RAD51B: variants seen among roughly 807,000 people sequenced by gnomAD.
RAD51B encodes the protein DNA repair protein RAD51 homolog 2.
RAD51B carries 38 observed loss-of-function variants against 42.2 expected under a neutral mutation model. The ratio of observed to expected loss-of-function variants is 0.90; its 90% CI spans 0.70 to 1.18. The LOEUF is 1.18. Ranked by LOEUF, RAD51B falls within the 50% of genes most tolerant of loss-of-function variation. The pLI is 0.00. For synonymous variants in RAD51B, 154 were observed against 145.2 expected, an observed-to-expected ratio of 1.06 and a Z score of -0.43; for missense variants, 373 against 400.7, an observed-to-expected ratio of 0.93 and a Z score of 0.59.
chr14:67,833,665 G>A (rs1302526239), intron 3 of RAD51B, among the ~76,000 whole-genome samples: 1 of 152,154 alleles, frequency 6.6e-6, no homozygotes, highest in Admixed American at 6.5e-5. Flanking sequence ...ACTCAGACCT[G>A]TGTGCAATTT....
At chr14:68,353,361 T>C (rs905998541) in intron 8 of RAD51B, among the ~76,000 whole-genome samples, 1 of 152,228 alleles carries the variant, frequency 6.6e-6, no homozygotes, top group Non-Finnish European at 1.5e-5. Context: ...AGCGAGAGGA[T>C]ATGAGCCACA....
intron 7 of RAD51B, among the ~76,000 whole-genome samples, chr14:68,061,200 C>G (rs1333218496): frequency 3.3e-5 from 5 of 151,814 alleles, no homozygotes; most frequent in Non-Finnish European, 5.9e-5. Flanking sequence ...TCACCAGTAG[C>G]TGGGATTACA....
At chr14:68,614,113 C>G (rs1026060270), downstream of RAD51B, among the ~76,000 whole-genome samples, 2 of 152,120 alleles carry the variant, frequency 1.3e-5, no homozygotes, top group African/African-American at 4.8e-5. Context: ...TACTAAAATA[C>G]AAAATTCAAC....
chr14:68,489,889 A>G (rs1281213822), intron 10 of RAD51B, among the ~76,000 whole-genome samples: 4 of 152,200 alleles, frequency 2.6e-5, no homozygotes, highest in Non-Finnish European at 5.9e-5. Flanking sequence ...AAATGCCCTT[A>G]TCTAGATTTC....
intron 10 of RAD51B, among the ~76,000 whole-genome samples, chr14:68,544,985 G>A (rs762616203): frequency 6.6e-6 from 1 of 152,200 alleles, no homozygotes; most frequent in Non-Finnish European, 1.5e-5. Flanking sequence ...GGATGTGGGA[G>A]CAGCAAAGGA....
chr14:67,858,497 A>G (rs2042066450), intron 4 of RAD51B, among the ~76,000 whole-genome samples: 1 of 152,162 alleles, frequency 6.6e-6, no homozygotes, highest in African/African-American at 2.4e-5. Flanking sequence ...CTTTATAGGT[A>G]CAGAATGGGG....
intron 10 of RAD51B, among the ~76,000 whole-genome samples, chr14:68,590,506 C>G (rs1223081582): frequency 6.6e-6 from 1 of 152,222 alleles, no homozygotes; most frequent in African/African-American, 2.4e-5. Flanking sequence ...CAAAGGAAAC[C>G]TGGCGATGTC....
At chr14:68,304,128 C>T (rs1013264282) in intron 8 of RAD51B, among the ~76,000 whole-genome samples, 6 of 151,624 alleles carry the variant, frequency 4.0e-5, no homozygotes, top group Non-Finnish European at 8.8e-5. Flanking sequence ...AGAGATGGCG[C>T]CACTGCACTC....
intron 10 of RAD51B, among the ~76,000 whole-genome samples, chr14:68,618,645 T>A (rs1891875679): frequency 6.6e-6 from 1 of 152,238 alleles, no homozygotes; most frequent in African/African-American, 2.4e-5. Flanking sequence ...GGGTTGTTGA[T>A]GCTGCCTCTA....
chr14:68,337,201 A>G (rs1204171508), intron 8 of RAD51B, among the ~76,000 whole-genome samples: 1 of 152,132 alleles, frequency 6.6e-6, no homozygotes, highest in African/African-American at 2.4e-5. Context: ...ACACACCCAC[A>G]TCTTATTTTT....
chr14:68,086,229 A>G (rs1179029941), intron 7 of RAD51B, among the ~76,000 whole-genome samples: 2 of 152,178 alleles, frequency 1.3e-5, no homozygotes, highest in Admixed American at 1.3e-4. Flanking sequence ...GGGCTCTCCA[A>G]CGACTGCCCC....
At chr14:68,295,049 G>GGCAGGCTGCAAATTGACAA (rs2081587633) in intron 8 of RAD51B, among the ~76,000 whole-genome samples, 1 of 152,190 alleles carries the variant, frequency 6.6e-6, no homozygotes, top group Non-Finnish European at 1.5e-5. Flanking sequence ...GTTTGTGAAA[G>GGCAGGCTGCAAATTGACAA]GCAGGCTGCA....
At chr14:67,939,129 A>G (rs2045065654) in intron 7 of RAD51B, among the ~76,000 whole-genome samples, 1 of 152,176 alleles carries the variant, frequency 6.6e-6, no homozygotes, top group African/African-American at 2.4e-5. Context: ...ATCTTGAGGT[A>G]CTTATATTAG....
chr14:67,972,146 T>C (rs759533735), intron 7 of RAD51B, among the ~76,000 whole-genome samples: 1 of 151,660 alleles, frequency 6.6e-6, no homozygotes, highest in Non-Finnish European at 1.5e-5. Context: ...TACTTCTCAG[T>C]CTTGTCTTTT....
chr14:68,149,330 G>T (rs1177084402), intron 7 of RAD51B, among the ~76,000 whole-genome samples: 1 of 151,892 alleles, frequency 6.6e-6, no homozygotes, highest in Non-Finnish European at 1.5e-5. Flanking sequence ...TTTATAGTTT[G>T]CATTGTATAT....
intron 10 of RAD51B, 77 bp from the exon 11 acceptor site, chr14:68,477,571 G>T (rs2140253929): frequency 6.7e-7 from 1 of 1,491,818 alleles, no homozygotes; most frequent in Non-Finnish European, 9.1e-7. Context: ...TTCCATTTAG[G>T]TTGCTGGTGG....
intron 10 of RAD51B, among the ~76,000 whole-genome samples, chr14:68,572,791 C>G (rs1476008186): frequency 6.6e-6 from 1 of 152,206 alleles, no homozygotes; most frequent in African/African-American, 2.4e-5. Context: ...TCCAAATTGC[C>G]AGTGTCATAT....
rs1197417479 is a variant in RAD51B at position 68,592,250 on chromosome 14, ATGATGTGTG to A, written c.1037-2232_1037-2224del. On this transcript the variant is annotated intron_variant, in intron 10 of 10. Coordinates refer to the RAD51B transcript ENST00000487270. ...GCAGGGAGGTACAAAGGGGTAGGCA[ATGATGTGTG>A]TGTGTGTGTGTGTGTGTGTGTGTGT... Among the ~76,000 whole-genome samples, 306 of 140,052 alleles carry A rather than the reference ATGATGTGTG, an allele frequency of 2.2e-3. 2 individuals carry two copies. The highest frequency in any genetic ancestry group is 8.0e-3 in the African/African-American group (281 of 35,036). 91.9% of individuals were successfully genotyped at this position (140,052 alleles called of 152,430 possible).
chr14:67,920,980 T>C (rs1480695370), intron 7 of RAD51B, among the ~76,000 whole-genome samples: 1 of 152,180 alleles, frequency 6.6e-6, no homozygotes, highest in Non-Finnish European at 1.5e-5. Context: ...GGTTGTAGCA[T>C]AGAGTAATGG....
Sources: allele counts gnomAD v4.1 joint callset (sites outside exome capture counted in the v4.1 genomes callset), GRCh38; gene constraint gnomAD v4.1.1; transcripts MANE v1.5; gene names NCBI Gene and HGNC (gene_info 2026-07-23, HGNC 2026-07-21).